ZBED6: variants seen among roughly 807,000 people sequenced by gnomAD.
ZBED6 encodes the protein zinc finger BED domain-containing protein 6.
In ZBED6, 40 loss-of-function variants were observed where a neutral mutation model predicts 58.4. The observed-to-expected ratio is 0.68, with a 90% CI of 0.53 to 0.89. The LOEUF (loss-of-function observed/expected upper bound fraction) is 0.89, where lower values mean the gene tolerates loss of function less well. Ranked by LOEUF, ZBED6 falls within the 40% of genes least tolerant of loss-of-function variation. The pLI is 0.00. For synonymous variants in ZBED6, 439 were observed against 350.6 expected (o/e 1.25, Z -2.82); for missense variants, 1,057 against 1,003.9 (o/e 1.05, Z -0.71).
intron 10 of ZBED6, among the ~76,000 whole-genome samples, chr1:203,839,787 G>A (rs986146984): frequency 1.3e-5 from 2 of 151,760 alleles, no homozygotes; most frequent in Non-Finnish European, 2.9e-5. Context: ...TATAAAGTAC[G>A]TTTTTCTTTG....
At chr1:203,797,960 C>T (rs1199869151) in exon 1 of ZBED6, 9 of 1,535,750 alleles carry the variant, frequency 5.9e-6, no homozygotes, top group Non-Finnish European at 7.0e-6. Flanking sequence ...CCCAGTACAC[C>T]TGGCGGGCCA....
Position 203,847,347 on chromosome 1 carries a change from T to C in ZBED6, c.*3905T>C, listed in dbSNP as rs748881877. On this transcript the variant is annotated 3_prime_UTR_variant, in exon 12 of 17. Transcript: ENST00000550078. ...GAGCAAGAAGCTCCTCCACTATCCG[T>C]ATCAAAACCTTCTCTGAGGTCCTGG... The C allele has an allele frequency of 5.0e-6, 8 of 1,613,616 alleles. No individual in the cohort carries two copies. The South Asian group carries it at 8.8e-5, about 18-fold the overall frequency.
At chr1:203,837,759 T>C (rs914900041) in intron 9 of ZBED6, among the ~76,000 whole-genome samples, 19 of 152,220 alleles carry the variant, frequency 1.2e-4, no homozygotes, top group Admixed American at 4.6e-4. Flanking sequence ...ATTACAGGCC[T>C]GAGCCACTGC....
intron 7 of ZBED6, 152 bp downstream of exon 7, chr1:203,830,355 T>G: frequency 1.5e-6 from 1 of 667,508 alleles, no homozygotes; most frequent in South Asian, 2.1e-5. Context: ...TTGTGGTTGC[T>G]TTTAATTCAC....
Position 203,828,293 on chromosome 1 carries a change from T to C in ZBED6, c.*2874-6T>C. 6.2e-7 allele frequency: 1 copy of C among 1,614,042 alleles called. No individual in the cohort carries two copies. Among genetic ancestry groups the C allele is most frequent in the South Asian group, 1.1e-5 (1 of 91,054 alleles). ...TTTGAAAGCAATGTGTTTTTCCCTC[T>C]TACAGAAAAAACGCAGTGAAATTCC... On this transcript the variant is annotated splice_polypyrimidine_tract_variant and splice_region_variant and intron_variant, in intron 3 of 16. Coordinates refer to ENST00000550078, the Ensembl canonical transcript of ZBED6.
intron 14 of ZBED6, 83 bp downstream of exon 14, chr1:203,850,109 A>G: frequency 2.3e-6 from 3 of 1,284,672 alleles, no homozygotes; most frequent in South Asian, 1.4e-5. Context: ...CTTCCTGGCA[A>G]CAATTGGGTT....
At chr1:203,847,005 A>C (rs1292671369) in intron 11 of ZBED6, among the ~76,000 whole-genome samples, 179 bp from the exon 12 acceptor site, 1 of 129,576 alleles carries the variant, frequency 7.7e-6, no homozygotes, top group Middle Eastern at 3.5e-3. Flanking sequence ...ACTCTGTCTT[A>C]AAAAAAAAAA....
rs922293434 is a variant in ZBED6, at chr1:203,803,029, G to A, written c.*2554+13G>A. 2 of 152,548 alleles carry A rather than the reference G, an allele frequency of 1.3e-5. No individual in the cohort carries two copies. The highest frequency in any genetic ancestry group is 2.9e-5 in the Non-Finnish European group (2 of 68,034). The allele number at this position is 152,548 out of a possible 1,614,324, so 9.4% of individuals were successfully genotyped here. A position where few individuals can be genotyped will look rare whatever the true frequency, so the allele number is the denominator to read the frequency against. ...GCAACCAGCTAATGTAAGTGGGGAA[G>A]CAGGCATTTTTCGCATGAAAGGAGT... On this transcript the variant is annotated intron_variant, in intron 1 of 16. Transcript: ENST00000550078.
In ZBED6 at chr1:203,831,007, G is replaced by A. The variant is rs536499161; in HGVS notation, c.*3400-654G>A. Among the ~76,000 whole-genome samples, 245 of 125,884 alleles carry A rather than the reference G, an allele frequency of 1.9e-3. 2 individuals are homozygous for A. Among genetic ancestry groups the A allele is most frequent in the African/African-American group, 6.8e-3 (226 of 33,014 alleles). 82.6% of individuals were successfully genotyped at this position (125,884 alleles called of 152,430 possible). ...TGTTGCCAGGCTGGAGTGCAATGGCGCAATCTTTGCTCACCACAACCTCCA... is the reference window on the plus strand; with the variant it reads ...TGTTGCCAGGCTGGAGTGCAATGGCACAATCTTTGCTCACCACAACCTCCA... On this transcript the variant is annotated intron_variant, in intron 7 of 16. Transcript: ENST00000550078.
intron 1 of ZBED6, among the ~76,000 whole-genome samples, chr1:203,804,488 C>G (rs1671581015): frequency 6.6e-6 from 1 of 151,932 alleles, no homozygotes; most frequent in South Asian, 2.1e-4. Context: ...TGGTCTCTTC[C>G]TGTATATCTT....
rs531356247 is a variant in ZBED6, at chr1:203,837,890, G to T, written c.*3574-76G>T. ...ACACTTAACAGAATTATGCTATGTT[G>T]TCTGTTTTTGTTTGTATTTCTTGTC... On this transcript the variant is annotated intron_variant, in intron 9 of 16. Coordinates refer to ENST00000550078, the Ensembl canonical transcript of ZBED6. The T allele has an allele frequency of 8.3e-5, 113 of 1,355,302 alleles. 2 individuals are homozygous for T. The South Asian group carries it at 1.3e-3, about 15-fold the overall frequency. 84.0% of individuals were successfully genotyped at this position (1,355,302 alleles called of 1,614,324 possible).
intron 3 of ZBED6, among the ~76,000 whole-genome samples, chr1:203,821,794 A>G (rs1465139870): frequency 8.1e-5 from 12 of 148,452 alleles, no homozygotes; most frequent in East Asian, 2.0e-4. Context: ...GTCTTGCTCT[A>G]TCACCCAGGC....
At chr1:203,846,774 A>G (rs569762591) in intron 11 of ZBED6, among the ~76,000 whole-genome samples, 124 of 152,358 alleles carry the variant, frequency 8.1e-4, no homozygotes, top group African/African-American at 2.6e-3. Flanking sequence ...TAGAAATACA[A>G]ATCAATTTTT....
In ZBED6 at chr1:203,852,121, T is replaced by C. The variant is rs200859090; in HGVS notation, c.*4874-20T>C. On this transcript the variant is annotated intron_variant, in intron 16 of 16. Transcript: ENST00000550078. ...TATTTTTAAAACGGCAGTTTTCTAA[T>C]AATCTTTTTTTTCTTACAGTCTTGT... 9.5e-5 allele frequency: 153 copies of C among 1,612,972 alleles called. No homozygotes were observed. The African/African-American group carries it at 1.7e-3, about 18-fold the overall frequency.
chr1:203,842,860 A>G (rs766393537), intron 11 of ZBED6, among the ~76,000 whole-genome samples: 9 of 151,250 alleles, frequency 6.0e-5, no homozygotes, highest in South Asian at 4.1e-4. Context: ...ATATAACTAC[A>G]TAAGTATATA....
chr1:203,838,804 T>C (rs1474478352), intron 10 of ZBED6, among the ~76,000 whole-genome samples: 1 of 151,818 alleles, frequency 6.6e-6, no homozygotes, highest in South Asian at 2.1e-4. Context: ...TACAAAAAAA[T>C]TAGCTGGGCA....
chr1:203,830,539 G>A (rs566376031), intron 7 of ZBED6, among the ~76,000 whole-genome samples: 3 of 152,280 alleles, frequency 2.0e-5, no homozygotes, highest in East Asian at 3.9e-4. Flanking sequence ...AAGGCTGGGC[G>A]TGGTGGCTCA....
intron 11 of ZBED6, 61 bp from the exon 12 acceptor site, chr1:203,847,123 T>A: frequency 6.4e-7 from 1 of 1,570,806 alleles, no homozygotes; most frequent in Non-Finnish European, 8.7e-7. Context: ...AATAGAGAGA[T>A]CATAAGTCAG....
At chr1:203,831,574 T>G in intron 7 of ZBED6, 87 bp from the exon 8 acceptor site, 1 of 1,089,230 alleles carries the variant, frequency 9.2e-7, no homozygotes, top group Non-Finnish European at 1.4e-6. Context: ...TGTATTGGAC[T>G]TAACTGGTTA....
Sources: allele counts gnomAD v4.1 joint callset (sites outside exome capture counted in the v4.1 genomes callset), GRCh38; gene constraint gnomAD v4.1.1; transcripts MANE v1.5; gene names NCBI Gene and HGNC (gene_info 2026-07-23, HGNC 2026-07-21).